KPNA1: variants seen among roughly 807,000 people sequenced by gnomAD.
The protein encoded by KPNA1 is importin subunit alpha-5.
A neutral mutation model predicts 70.5 loss-of-function variants in KPNA1; 10 were observed. The observed-to-expected ratio is 0.14, with a 90% confidence interval of 0.09 to 0.24. The LOEUF (loss-of-function observed/expected upper bound fraction) is 0.24. Ranked by LOEUF, KPNA1 falls within the 10% of genes least tolerant of loss-of-function variation. The probability of loss-of-function intolerance (pLI) is 1.00; values close to 1 mark genes in which losing one functional copy is unlikely to be tolerated. For synonymous variants in KPNA1, 192 were observed against 221.9 expected (o/e 0.87, Z 1.20); for missense variants, 397 against 637.9 (o/e 0.62, Z 4.07).
chr3:122,485,165 C>T (rs757715868), intron 2 of KPNA1, among the ~76,000 whole-genome samples: 1 of 152,120 alleles, frequency 6.6e-6, no homozygotes, highest in African/African-American at 2.4e-5. Flanking sequence ...CTTCCCGCCT[C>T]GGCCTCCCAA....
intron 2 of KPNA1, among the ~76,000 whole-genome samples, chr3:122,486,956 A>G (rs1484161640): frequency 6.6e-6 from 1 of 152,200 alleles, no homozygotes; most frequent in South Asian, 2.1e-4. Context: ...AAACAAATAC[A>G]GGAAGAGAAT....
chr3:122,476,861 C>CAA (rs144118691), intron 2 of KPNA1, among the ~76,000 whole-genome samples: 1,111 of 64,838 alleles, frequency 0.017, 44 homozygotes, highest in South Asian at 0.029. Context: ...GGAGGTTCCA[C>CAA]AAAAAAAAAA....
At chr3:122,481,686 T>C (rs1386895627) in intron 2 of KPNA1, among the ~76,000 whole-genome samples, 2 of 152,258 alleles carry the variant, frequency 1.3e-5, no homozygotes, top group East Asian at 3.8e-4. Flanking sequence ...GTGTGAATTA[T>C]ATCTCAATGA....
chr3:122,494,505 A>G (rs1455360059), intron 2 of KPNA1, among the ~76,000 whole-genome samples: 1 of 152,116 alleles, frequency 6.6e-6, no homozygotes, highest in Non-Finnish European at 1.5e-5. Context: ...CTACTTTTAT[A>G]CCAGTACTGT....
At chr3:122,513,895 T>C (rs2076984247) in intron 1 of KPNA1, among the ~76,000 whole-genome samples, 1 of 152,206 alleles carries the variant, frequency 6.6e-6, no homozygotes, top group South Asian at 2.1e-4. Flanking sequence ...CGAGACCCCA[T>C]CTCTTTAAAA....
chr3:122,491,976 C>T (rs963936629), intron 2 of KPNA1, among the ~76,000 whole-genome samples: 3 of 149,730 alleles, frequency 2.0e-5, no homozygotes, highest in Non-Finnish European at 4.4e-5. Flanking sequence ...ATTCTCCTGC[C>T]TCAGCCTCCC....
intron 1 of KPNA1, chr3:122,514,317 C>G (rs1218395697): frequency 6.5e-6 from 1 of 152,706 alleles, no homozygotes; most frequent in Non-Finnish European, 1.5e-5. Context: ...AATTTTTACA[C>G]GCCACCCCTG....
At chr3:122,473,512 G>A (rs1343186126) in intron 2 of KPNA1, among the ~76,000 whole-genome samples, 2 of 151,956 alleles carry the variant, frequency 1.3e-5, no homozygotes, top group East Asian at 1.9e-4. Context: ...TGTATAAAAC[G>A]AATCATATAC....
At chr3:122,451,384 AAAC>A (rs762831725) in intron 8 of KPNA1, 147 bp downstream of exon 8, 59 of 537,988 alleles carry the variant, frequency 1.1e-4, no homozygotes, top group Non-Finnish European at 1.6e-4. Flanking sequence ...GAACCAACAA[AAAC>A]AACAACAACC....
intron 2 of KPNA1, among the ~76,000 whole-genome samples, chr3:122,482,214 C>A (rs75798719): frequency 0.022 from 3,338 of 152,342 alleles, 61 homozygotes; most frequent in East Asian, 0.1. Flanking sequence ...CAGCACGTTA[C>A]TGTACTGAAC....
At chr3:122,448,607 G>T (rs1164476523) in intron 9 of KPNA1, among the ~76,000 whole-genome samples, 1 of 152,122 alleles carries the variant, frequency 6.6e-6, no homozygotes, top group African/African-American at 2.4e-5. Context: ...GTTGGGGGCA[G>T]GGGGAGGGAT....
intron 4 of KPNA1, among the ~76,000 whole-genome samples, chr3:122,461,980 GA>G (rs2107745419): frequency 6.6e-6 from 1 of 152,286 alleles, no homozygotes; most frequent in African/African-American, 2.4e-5. Flanking sequence ...ATGGCAATTA[GA>G]TCACAATACT....
intron 1 of KPNA1, among the ~76,000 whole-genome samples, chr3:122,507,068 A>G (rs2076898270): frequency 6.6e-6 from 1 of 152,258 alleles, no homozygotes; most frequent in Non-Finnish European, 1.5e-5. Flanking sequence ...GAACACTAAC[A>G]TGAAAAATCT....
chr3:122,429,184 C>G (rs1576270344), intron 12 of KPNA1, among the ~76,000 whole-genome samples: 1 of 152,166 alleles, frequency 6.6e-6, no homozygotes, highest in Non-Finnish European at 1.5e-5. Flanking sequence ...GGCATGGTGG[C>G]TCAAGCCTGT....
intron 1 of KPNA1, among the ~76,000 whole-genome samples, chr3:122,502,411 TAG>T (rs566739423): frequency 1.0e-3 from 152 of 152,302 alleles, no homozygotes; most frequent in Non-Finnish European, 1.7e-3. Flanking sequence ...AATGAGACAC[TAG>T]AGACTTCTCT....
chr3:122,453,790 A>C, intron 6 of KPNA1, 80 bp downstream of exon 6: 2 of 1,417,474 alleles, frequency 1.4e-6, no homozygotes, highest in Non-Finnish European at 1.9e-6. Context: ...TTGGCCTCCC[A>C]AAATGTTGGG....
intron 2 of KPNA1, among the ~76,000 whole-genome samples, chr3:122,472,983 A>T (rs2076459396): frequency 6.6e-6 from 1 of 152,164 alleles, no homozygotes; most frequent in South Asian, 2.1e-4. Flanking sequence ...CAGGAGGCTG[A>T]GGCACCAGAA....
At chr3:122,427,476 T>C in intron 13 of KPNA1, 62 bp downstream of exon 13, 1 of 1,490,936 alleles carries the variant, frequency 6.7e-7, no homozygotes, top group Non-Finnish European at 9.1e-7. Context: ...TTGTTTTTAC[T>C]GAACTCTATC....
chr3:122,481,900 T>C (rs897195524), intron 2 of KPNA1, among the ~76,000 whole-genome samples: 2 of 152,254 alleles, frequency 1.3e-5, no homozygotes, highest in African/African-American at 4.8e-5. Context: ...CTTAACGTCA[T>C]ATGACATTTT....
Sources: allele counts gnomAD v4.1 joint callset (sites outside exome capture counted in the v4.1 genomes callset), GRCh38; gene constraint gnomAD v4.1.1; transcripts MANE v1.5; gene names NCBI Gene and HGNC (gene_info 2026-07-23, HGNC 2026-07-21).